The following OR2G6 variants were observed in gnomAD, a reference collection of about 807,000 sequenced individuals.
The protein encoded by OR2G6 is olfactory receptor 2G6.
For synonymous variants in OR2G6, 183 were observed against 155.2 expected (o/e 1.18, Z -1.33); for missense variants, 457 against 391.3 (o/e 1.17, Z -1.42).
Position 248,524,736 on chromosome 1 carries a change from T to C in OR2G6, c.*2139T>C, listed in dbSNP as rs749533731. ...AAACTCACATCCATTTAAGGTAATATGGAATACAAATCCCACTGAAAATAA... is the reference window on the plus strand; with the variant it reads ...AAACTCACATCCATTTAAGGTAATACGGAATACAAATCCCACTGAAAATAA... On this transcript the variant is annotated 3_prime_UTR_variant, in exon 2 of 2. Coordinates refer to ENST00000641804, the MANE Select transcript of OR2G6 (RefSeq NM_001013355.2). 2.0e-5 allele frequency: 3 copies of C among 152,194 alleles called. No individual in the cohort carries two copies. The highest frequency in any genetic ancestry group is 4.4e-5 in the Non-Finnish European group (3 of 68,036). 9.4% of individuals were successfully genotyped at this position (152,194 alleles called of 1,614,324 possible). A position where few individuals can be genotyped will look rare whatever the true frequency, so the allele number is the denominator to read the frequency against.
rs1469079576 is a variant in OR2G6, at chr1:248,526,093, A to G, written c.*3496A>G. 1 of 152,176 alleles carries G rather than the reference A, an allele frequency of 6.6e-6. No homozygotes were observed. The highest frequency in any genetic ancestry group is 1.5e-5 in the Non-Finnish European group (1 of 68,024). 9.4% of individuals were successfully genotyped at this position (152,176 alleles called of 1,614,324 possible). ...ATGAATGATCAGACAGGGAAAATAA[A>G]AGTACCAAGAAAAATAAACAAGGGT... On this transcript the variant is annotated 3_prime_UTR_variant, in exon 2 of 2. Coordinates refer to ENST00000641804, the MANE Select transcript of OR2G6 (RefSeq NM_001013355.2).
At position 248,526,645 on chromosome 1, in the gene OR2G6, T is replaced by C. The variant is rs1288066802; in HGVS notation, c.*4048T>C. 3 of 152,158 alleles carry C rather than the reference T, an allele frequency of 2.0e-5. No homozygotes were observed. The East Asian group carries it at 5.8e-4, about 29-fold the overall frequency. 9.4% of individuals were successfully genotyped at this position (152,158 alleles called of 1,614,324 possible). A position where few individuals can be genotyped will look rare whatever the true frequency, so the allele number is the denominator to read the frequency against. On this transcript the variant is annotated 3_prime_UTR_variant, in exon 2 of 2. Transcript: ENST00000641804. Reference sequence around the variant, plus strand: ...TTTGAAATATGCCCAGAGCTCTCTGTTCACCATAACCTGATCTCAGTAGTA... The same window carrying C: ...TTTGAAATATGCCCAGAGCTCTCTGCTCACCATAACCTGATCTCAGTAGTA...
chr1:248,521,657 CCAA>C lies in OR2G6; in HGVS notation c.17_19del (p.Asn6del), dbSNP rs776156378. The C allele has an allele frequency of 1.9e-6, 3 of 1,611,926 alleles. No homozygotes were observed. Among genetic ancestry groups the C allele is most frequent in the Non-Finnish European group, 1.7e-6 (2 of 1,178,972 alleles). On this transcript the variant is annotated inframe_deletion, in exon 2 of 2. Coordinates refer to ENST00000641804, the MANE Select transcript of OR2G6 (RefSeq NM_001013355.2). ...GAAGCTGCAGGAAAAATGGAGGAAA[CCAA>C]CAACAGCTCTGAAAAGGGATTTCTT...
At chr1:248,521,040 TAAAAAAAAA>T (rs56891856) in intron 1 of OR2G6, among the ~76,000 whole-genome samples, 98 of 83,948 alleles carry the variant, frequency 1.2e-3, no homozygotes, top group African/African-American at 3.6e-3. Flanking sequence ...AGATTCCATC[TAAAAAAAAA>T]AAAAAAAAAA....
At position 248,525,902 on chromosome 1, in the gene OR2G6, C is replaced by CAGTT. The variant is rs1164330835; in HGVS notation, c.*3307_*3310dup. 4 of 147,268 alleles carry CAGTT rather than the reference C, an allele frequency of 2.7e-5. No homozygotes were observed. The East Asian group carries it at 7.7e-4, about 28-fold the overall frequency. The allele number at this position is 147,268 out of a possible 1,614,324, so 9.1% of individuals were successfully genotyped here. A position where few individuals can be genotyped will look rare whatever the true frequency, so the allele number is the denominator to read the frequency against. Reference sequence around the variant, plus strand: ...GCACAGTGGTGCATGCCTATAATCCCAGTTACTCAGGAGGCTGAGGCAGGA... The same window carrying CAGTT: ...GCACAGTGGTGCATGCCTATAATCCCAGTTAGTTACTCAGGAGGCTGAGGCAGGA... On this transcript the variant is annotated 3_prime_UTR_variant, in exon 2 of 2. Transcript: ENST00000641804.
rs994145247 is a variant in OR2G6 at position 248,521,555 on chromosome 1, T to C, written c.-36-56T>C. 4.5e-6 allele frequency: 4 copies of C among 879,414 alleles called. No homozygotes were observed. The East Asian group carries it at 9.7e-5, about 21-fold the overall frequency. The allele number at this position is 879,414 out of a possible 1,614,324, so 54.5% of individuals were successfully genotyped here. A position where few individuals can be genotyped will look rare whatever the true frequency, so the allele number is the denominator to read the frequency against. The stretch of plus-strand genomic sequence containing the variant: ...GGAAGATAATTATACTGTAAACGAC[T>C]GTGGATTACCATTCTTGACCTCATT... On this transcript the variant is annotated intron_variant, in intron 1 of 1. Coordinates refer to ENST00000641804, the MANE Select transcript of OR2G6 (RefSeq NM_001013355.2).
At position 248,522,630 on chromosome 1, in the gene OR2G6, C is replaced by T. The variant is rs1664315971; in HGVS notation, c.*33C>T. 1.4e-6 allele frequency: 2 copies of T among 1,444,800 alleles called. No homozygotes were observed. Among genetic ancestry groups the T allele is most frequent in the South Asian group, 2.6e-5 (2 of 78,412 alleles). The allele number at this position is 1,444,800 out of a possible 1,614,324, so 89.5% of individuals were successfully genotyped here. ...CTGGAATTCTAAACAAGGGAAACAC[C>T]TCAAGGCAGAGTGAGGGTTCATCCT... On this transcript the variant is annotated 3_prime_UTR_variant, in exon 2 of 2. Coordinates refer to ENST00000641804, the MANE Select transcript of OR2G6 (RefSeq NM_001013355.2).
Position 248,524,555 on chromosome 1 carries a change from T to G in OR2G6, c.*1958T>G, listed in dbSNP as rs1490480212. ...GAATGTACCTGTGTCAGAGTCTCAA[T>G]CAATTTACATGGAATATGGCCCCAG... On this transcript the variant is annotated 3_prime_UTR_variant, in exon 2 of 2. Coordinates refer to ENST00000641804, the MANE Select transcript of OR2G6 (RefSeq NM_001013355.2). 1.3e-5 allele frequency: 2 copies of G among 152,296 alleles called. No individual in the cohort carries two copies. Among genetic ancestry groups the G allele is most frequent in the East Asian group, 3.9e-4 (2 of 5,184 alleles). 9.4% of individuals were successfully genotyped at this position (152,296 alleles called of 1,614,324 possible).
chr1:248,522,259 GTCTT>G lies in OR2G6; in HGVS notation c.617_620del (p.Phe206Ter), dbSNP rs761375482. ...GGCAGAACTCTTTGTGGCCAGTGTA[GTCTT>G]TCTAATTGTCCCGGTGTTACTCATC... On this transcript the variant is annotated frameshift_variant, in exon 2 of 2. Coordinates refer to ENST00000641804, the MANE Select transcript of OR2G6 (RefSeq NM_001013355.2). LOFTEE classifies it low-confidence loss of function (END_TRUNC). The G allele has an allele frequency of 9.9e-6, 16 of 1,614,162 alleles. No individual in the cohort carries two copies. The highest frequency in any genetic ancestry group is 4.0e-5 in the African/African-American group (3 of 75,044).
At position 248,522,124 on chromosome 1, in the gene OR2G6, T is replaced by G. The variant is rs139089157; in HGVS notation, c.478T>G (p.Cys160Gly). 855 of 1,612,368 alleles carry G rather than the reference T, an allele frequency of 5.3e-4. 4 individuals carry two copies. In the African/African-American group the frequency reaches 9.7e-3, roughly 18 times the overall value. ...LSGLITSLIQ[C>G]SLTVQLPLCG... ...CGGCCTCATCACCTCCCTAATTCAGTGCTCCCTCACTGTGCAGCTGCCCCT... is the reference window on the plus strand; with the variant it reads ...CGGCCTCATCACCTCCCTAATTCAGGGCTCCCTCACTGTGCAGCTGCCCCT... The change falls in exon 2 of 2, where the codon TGC becomes GGC. Residue 160 changes from cysteine (C) to glycine (G), a missense_variant. By Grantham distance (159) the Cys-to-Gly change is radical. Coordinates refer to ENST00000641804, the MANE Select transcript of OR2G6 (RefSeq NM_001013355.2).
chr1:248,522,265 C>A lies in OR2G6; in HGVS notation c.619C>A (p.Leu207Ile), dbSNP rs537611530. 1.2e-6 allele frequency: 2 copies of A among 1,614,142 alleles called. No homozygotes were observed. The highest frequency in any genetic ancestry group is 2.7e-5 in the African/African-American group (2 of 75,040). ...ACTCTTTGTGGCCAGTGTAGTCTTT[C>A]TAATTGTCCCGGTGTTACTCATCTT... ...AELFVASVVF[L>I]IVPVLLILVS... Residue 207 changes from leucine (L) to isoleucine (I), a missense_variant, in exon 2 of 2, where the codon CTA becomes ATA. Physicochemically the swap from Leu to Ile is conservative, Grantham distance 5 (BLOSUM62 2). Coordinates refer to ENST00000641804, the MANE Select transcript of OR2G6 (RefSeq NM_001013355.2).
chr1:248,520,873 A>AAATAT (rs1553328203), intron 1 of OR2G6, among the ~76,000 whole-genome samples: 7 of 133,394 alleles, frequency 5.2e-5, no homozygotes, highest in Admixed American at 1.4e-4. Flanking sequence ...TATATATAAA[A>AAATAT]ATATATATAT....
chr1:248,520,298 G>T (rs1156975100), intron 1 of OR2G6, among the ~76,000 whole-genome samples: 3 of 152,032 alleles, frequency 2.0e-5, no homozygotes, highest in Non-Finnish European at 2.9e-5. Context: ...TAGGAAGGAG[G>T]GATAGCATTA....
chr1:248,524,976 C>T lies in OR2G6; in HGVS notation c.*2379C>T, dbSNP rs1253213380. 6.6e-6 allele frequency: 1 copy of T among 151,998 alleles called. No homozygotes were observed. Among genetic ancestry groups the T allele is most frequent in the Non-Finnish European group, 1.5e-5 (1 of 68,004 alleles). The allele number at this position is 151,998 out of a possible 1,614,324, so 9.4% of individuals were successfully genotyped here. On this transcript the variant is annotated 3_prime_UTR_variant, in exon 2 of 2. Coordinates refer to ENST00000641804, the MANE Select transcript of OR2G6 (RefSeq NM_001013355.2). ...ATTTGAAAATAAAATCCTGTTACTA[C>T]TTTCTTGAATTTAGAGCTTTCCTAT...
rs751272021 is a variant in OR2G6 at position 248,522,569 on chromosome 1, G to A, written c.923G>A (p.Ser308Asn). 3 of 1,611,814 alleles carry A rather than the reference G, an allele frequency of 1.9e-6. No homozygotes were observed. The highest frequency in any genetic ancestry group is 1.1e-5 in the South Asian group (1 of 90,872). Residue 308 changes from serine to asparagine, a missense_variant, in exon 2 of 2, where the codon AGT becomes AAT. Transcript: ENST00000641804. ...GCCTTGAGGACCCTGATACTGGGTA[G>A]TGCTGCTGGACAAAGCCACAAGGAC... ...KGALRTLILG[S>N]AAGQSHKD
chr1:248,522,587 A>T lies in OR2G6; in HGVS notation c.941A>T (p.His314Leu). The change falls in exon 2 of 2, where the codon CAC (histidine) becomes CTC (leucine). Residue 314 changes from histidine to leucine, a missense_variant. His to Leu is a moderately conservative substitution (Grantham distance 99). Coordinates refer to ENST00000641804, the MANE Select transcript of OR2G6 (RefSeq NM_001013355.2). Reference sequence around the variant, plus strand: ...CTGGGTAGTGCTGCTGGACAAAGCCACAAGGACTAGGAAACACCTGGAATT... The same window carrying T: ...CTGGGTAGTGCTGCTGGACAAAGCCTCAAGGACTAGGAAACACCTGGAATT... ...LILGSAAGQS[H>L]KD 3 of 1,604,564 alleles carry T rather than the reference A, an allele frequency of 1.9e-6. No homozygotes were observed. The highest frequency in any genetic ancestry group is 2.6e-6 in the Non-Finnish European group (3 of 1,176,426).
chr1:248,524,735 A>G lies in OR2G6; in HGVS notation c.*2138A>G, dbSNP rs1420745133. On this transcript the variant is annotated 3_prime_UTR_variant, in exon 2 of 2. Transcript: ENST00000641804. ...CAAACTCACATCCATTTAAGGTAATATGGAATACAAATCCCACTGAAAATA... is the reference window on the plus strand; with the variant it reads ...CAAACTCACATCCATTTAAGGTAATGTGGAATACAAATCCCACTGAAAATA... 3.9e-5 allele frequency: 6 copies of G among 152,250 alleles called. No individual in the cohort carries two copies. The highest frequency in any genetic ancestry group is 3.9e-4 in the Admixed American group (6 of 15,288). The allele number at this position is 152,250 out of a possible 1,614,324, so 9.4% of individuals were successfully genotyped here. A position where few individuals can be genotyped will look rare whatever the true frequency, so the allele number is the denominator to read the frequency against.
chr1:248,526,569 A>G lies in OR2G6; in HGVS notation c.*3972A>G, dbSNP rs571306683. 1.3e-5 allele frequency: 2 copies of G among 152,292 alleles called. No homozygotes were observed. Among genetic ancestry groups the G allele is most frequent in the Admixed American group, 1.3e-4 (2 of 15,298 alleles). 9.4% of individuals were successfully genotyped at this position (152,292 alleles called of 1,614,324 possible). On this transcript the variant is annotated 3_prime_UTR_variant, in exon 2 of 2. Coordinates refer to ENST00000641804, the MANE Select transcript of OR2G6 (RefSeq NM_001013355.2). ...AGTCTCAACAGCTTCTCACTGTGCA[A>G]AGTAGAGAGAAATTCCCTTTTGCTT...
chr1:248,526,275 G>A lies in OR2G6; in HGVS notation c.*3678G>A, dbSNP rs1553329150. 1 of 152,144 alleles carries A rather than the reference G, an allele frequency of 6.6e-6. No individual in the cohort carries two copies. Among genetic ancestry groups the A allele is most frequent in the Non-Finnish European group, 1.5e-5 (1 of 68,028 alleles). 9.4% of individuals were successfully genotyped at this position (152,144 alleles called of 1,614,324 possible). A position where few individuals can be genotyped will look rare whatever the true frequency, so the allele number is the denominator to read the frequency against. ...ATAAAAACAGACACATGGGCCAATA[G>A]AACAGAATGGAGAACCTAGAAATAG... On this transcript the variant is annotated 3_prime_UTR_variant, in exon 2 of 2. Coordinates refer to ENST00000641804, the MANE Select transcript of OR2G6 (RefSeq NM_001013355.2).
Sources: allele counts gnomAD v4.1 joint callset (sites outside exome capture counted in the v4.1 genomes callset), GRCh38; gene constraint gnomAD v4.1.1; transcripts MANE v1.5; gene names NCBI Gene and HGNC (gene_info 2026-07-23, HGNC 2026-07-21).